Variants in CACNA1C observed in about 807,000 individuals in gnomAD.
The protein encoded by CACNA1C is voltage-dependent L-type calcium channel subunit alpha-1C.
In CACNA1C, 30 loss-of-function variants were observed where a neutral mutation model predicts 229.0. That is an observed-to-expected ratio of 0.13 (90% CI 0.10 to 0.18). CACNA1C has a LOEUF of 0.18. CACNA1C is among the 10% of genes least tolerant of loss of function. CACNA1C has a pLI of 1.00. For synonymous variants in CACNA1C, 1,114 were observed against 1,132.5 expected, an observed-to-expected ratio of 0.98 and a Z score of 0.33; for missense variants, 1,658 against 2,845.0, an observed-to-expected ratio of 0.58 and a Z score of 9.49.
intron 11 of CACNA1C, among the ~76,000 whole-genome samples, chr12:2,564,027 T>C (rs1381187966): frequency 5.9e-5 from 9 of 152,250 alleles, no homozygotes; most frequent in Admixed American, 5.2e-4. Flanking sequence ...GGCAGGAAGA[T>C]TGGAGAAACG....
rs899668330 is a variant in CACNA1C at position 2,250,619 on chromosome 12, C to A, written c.477+130189C>A. ...GCCATGCGTTAAATACCCACTGAGC[C>A]AATGGAGCCCTGGTCATCCATCTCT... is the stretch of plus-strand genomic sequence containing the variant. On this transcript the variant is annotated intron_variant, in intron 3 of 46. Coordinates refer to ENST00000399655, the MANE Select transcript of CACNA1C (RefSeq NM_000719.7). 2.6e-5 allele frequency among the ~76,000 whole-genome samples: 4 copies of A among 152,202 alleles called. No individual in the cohort carries two copies. In the East Asian group the frequency reaches 5.8e-4, roughly 22 times the overall value.
At chr12:2,002,367 C>T (rs1042650747) in intron 1 of CACNA1C, among the ~76,000 whole-genome samples, 10 of 152,180 alleles carry the variant, frequency 6.6e-5, no homozygotes, top group African/African-American at 2.4e-4. Flanking sequence ...TGAACTAGGT[C>T]TCTCTGTTTT....
intron 3 of CACNA1C, among the ~76,000 whole-genome samples, chr12:2,182,065 A>T (rs2096856189): frequency 7.6e-6 from 1 of 131,162 alleles, no homozygotes; most frequent in African/African-American, 2.9e-5. Flanking sequence ...TGGCTGTGGG[A>T]GGTATTGGAG....
chr12:2,463,155 C>T (rs545539837), intron 5 of CACNA1C, among the ~76,000 whole-genome samples: 8 of 152,230 alleles, frequency 5.3e-5, no homozygotes, highest in Admixed American at 2.0e-4. Context: ...GTGATCTGCC[C>T]GCCTCAGCCT....
chr12:1,999,350 A>C (rs770296167), intron 1 of CACNA1C, among the ~76,000 whole-genome samples: 4 of 152,380 alleles, frequency 2.6e-5, no homozygotes, highest in Middle Eastern at 3.4e-3. Context: ...ATGGCTATAA[A>C]AAATCATTAC....
At position 2,360,561 on chromosome 12, in the gene CACNA1C, C is replaced by T. The variant is rs1389818491; in HGVS notation, c.478-88415C>T. Among the ~76,000 whole-genome samples, 5 of 152,294 alleles carry T rather than the reference C, an allele frequency of 3.3e-5. No homozygotes were observed. The South Asian group carries it at 8.3e-4, about 25-fold the overall frequency. ...GTCACAGTTCTGTGGAGTTTTCCAA[C>T]GGGTCCCTCAGACACCACCGCTGCC... On this transcript the variant is annotated intron_variant, in intron 3 of 46. Coordinates refer to ENST00000399655, the MANE Select transcript of CACNA1C (RefSeq NM_000719.7).
At position 2,067,800 on chromosome 12, in the gene CACNA1C, C is replaced by T. The variant is rs778988427; in HGVS notation, c.49+14189C>T. On this transcript the variant is annotated intron_variant, in intron 1 of 46. Transcript: ENST00000399655. The surrounding 1 kb of genome is among the most constrained non-coding windows in gnomAD (Gnocchi z 5.3). ...GGGCAATCAAGACCACAAGTGCCAA[C>T]CTCAGCGCACTCACCTGGAGAATAC... 1.6e-4 allele frequency among the ~76,000 whole-genome samples: 24 copies of T among 152,148 alleles called. No individual in the cohort carries two copies. Among genetic ancestry groups the T allele is most frequent in the Non-Finnish European group, 2.9e-4 (20 of 68,024 alleles).
At chr12:2,255,790 T>A (rs201507658) in intron 3 of CACNA1C, among the ~76,000 whole-genome samples, 2 of 240 alleles carry the variant, frequency 8.3e-3, no homozygotes, top group Non-Finnish European at 0.022. Flanking sequence ...AAAATAGACC[T>A]GACCCTGACC....
At chr12:2,268,479 G>T (rs544597951) in intron 3 of CACNA1C, among the ~76,000 whole-genome samples, 2 of 152,338 alleles carry the variant, frequency 1.3e-5, no homozygotes, top group East Asian at 3.9e-4. Flanking sequence ...AGAAAGGGAA[G>T]TTTTGAAAAG....
At chr12:2,089,644 T>A (rs2069390554) in intron 1 of CACNA1C, among the ~76,000 whole-genome samples, 1 of 152,216 alleles carries the variant, frequency 6.6e-6, no homozygotes, top group Admixed American at 6.5e-5. Flanking sequence ...AAAAAGTACG[T>A]AACACAGTTT....
chr12:2,441,223 G>T (rs2099222356), intron 3 of CACNA1C, among the ~76,000 whole-genome samples: 1 of 152,138 alleles, frequency 6.6e-6, no homozygotes, highest in Non-Finnish European at 1.5e-5. Flanking sequence ...AGCTGTCTTG[G>T]TATGAGTTCT....
At chr12:2,562,074 C>T in intron 11 of CACNA1C, among the ~76,000 whole-genome samples, 1 of 151,198 alleles carries the variant, frequency 6.6e-6, no homozygotes, top group Non-Finnish European at 1.5e-5. Context: ...ATTACCCCAC[C>T]CCCACCCCAG....
intron 3 of CACNA1C, among the ~76,000 whole-genome samples, chr12:2,295,039 C>T (rs754312049): frequency 7.2e-5 from 11 of 152,172 alleles, no homozygotes; most frequent in Non-Finnish European, 1.5e-4. Flanking sequence ...CCACGTCTTC[C>T]GGGGCTGGCT....
intron 10 of CACNA1C, chr12:2,550,650 C>T (rs2099898018): frequency 7.4e-7 from 1 of 1,349,452 alleles, no homozygotes. Flanking sequence ...GGCTCTGAGT[C>T]AGACCAGTCC....
intron 1 of CACNA1C, among the ~76,000 whole-genome samples, chr12:2,002,009 G>A (rs537394407): frequency 2.0e-5 from 3 of 152,274 alleles, no homozygotes; most frequent in East Asian, 1.9e-4. Context: ...TTTTGGAGGC[G>A]GGGGGCAGTC....
At chr12:2,387,813 A>G (rs1259126971) in intron 3 of CACNA1C, among the ~76,000 whole-genome samples, 4 of 152,218 alleles carry the variant, frequency 2.6e-5, no homozygotes, top group African/African-American at 9.6e-5. Context: ...GTGAGGAGTG[A>G]CAGCAGAGGG....
intron 3 of CACNA1C, among the ~76,000 whole-genome samples, chr12:2,279,368 C>T (rs939553670): frequency 5.3e-5 from 8 of 152,198 alleles, no homozygotes; most frequent in Non-Finnish European, 1.0e-4. Flanking sequence ...GTTACCCCTT[C>T]ATCTTTGTGA....
rs201169742 is a variant in CACNA1C at position 2,680,818 on chromosome 12, G to C, written c.5444+1022G>C. ...GTCTGCTTTCCTTTCTGCAAGGTTG[G>C]CTGGTTTAGCCACCCAGAAGCAGCA... On this transcript the variant is annotated intron_variant, in intron 42 of 46. Coordinates refer to ENST00000399655, the MANE Select transcript of CACNA1C (RefSeq NM_000719.7). Among the ~76,000 whole-genome samples the C allele has an allele frequency of 3.2e-4, 49 of 152,368 alleles. No individual in the cohort carries two copies. In the East Asian group the frequency reaches 8.7e-3, roughly 27 times the overall value.
Position 2,697,205 on chromosome 12 carries a change from G to A in CACNA1C, c.*6006G>A, listed in dbSNP as rs528802406. 1 of 152,462 alleles carries A rather than the reference G, an allele frequency of 6.6e-6. No individual in the cohort carries two copies. Among genetic ancestry groups the A allele is most frequent in the South Asian group, 2.1e-4 (1 of 4,826 alleles). The allele number at this position is 152,462 out of a possible 1,614,324, so 9.4% of individuals were successfully genotyped here. ...AAATCCATCTCTTGAATCCCAGCCA[G>A]GTTATATACCACCCCATTGCCATGT... On this transcript the variant is annotated 3_prime_UTR_variant, in exon 47 of 47. Coordinates refer to ENST00000399655, the MANE Select transcript of CACNA1C (RefSeq NM_000719.7).
Sources: gnomAD v4.1 joint callset for allele counts (sites outside exome capture counted in the v4.1 genomes callset) on GRCh38, gnomAD v4.1.1 for gene constraint, Gnocchi (gnomAD v3.1) non-coding constraint, MANE v1.5 for transcripts, NCBI Gene and HGNC (gene_info 2026-07-23, HGNC 2026-07-21) for gene names.